The following FAAH2 variants were observed in gnomAD, a reference collection of about 807,000 sequenced individuals.
FAAH2 encodes fatty-acid amide hydrolase 2.
Under a neutral mutation model 36.9 loss-of-function variants are expected in FAAH2, and 60 were observed. The observed-to-expected ratio is 1.63, with a 90% CI of 1.32 to 2.02. The LOEUF (loss-of-function observed/expected upper bound fraction) is 2.02. Among genes scored for constraint, FAAH2 ranks in the 30% most tolerant of loss-of-function variants. The pLI is 0.00. For synonymous variants in FAAH2, 214 were observed against 143.8 expected, an observed-to-expected ratio of 1.49 and a Z score of -3.49; for missense variants, 689 against 397.5, an observed-to-expected ratio of 1.73 and a Z score of -6.23.
the FAAH2 span, chrX:57,135,482 C>T: frequency 1.2e-5 from 3 of 258,774 alleles, no homozygotes; most frequent in Non-Finnish European, 1.3e-5. Flanking sequence ...CTTCCCCTGC[C>T]CCCTCCAGAC....
intron 3 of FAAH2, among the ~76,000 whole-genome samples, chrX:57,320,596 T>C (rs2052992634): frequency 8.9e-6 from 1 of 112,619 alleles, no homozygotes; most frequent in Non-Finnish European, 1.9e-5. Context: ...TCAATCATTG[T>C]TGAAGACAAT....
the FAAH2 span, among the ~76,000 whole-genome samples, chrX:57,159,242 G>A: frequency 6.3e-5 from 7 of 111,735 alleles, no homozygotes; most frequent in Non-Finnish European, 1.1e-4. Flanking sequence ...GGTTACTGTA[G>A]CCTTGTAGTA....
the FAAH2 span, among the ~76,000 whole-genome samples, chrX:57,175,524 C>T: frequency 8.9e-6 from 1 of 111,737 alleles, no homozygotes; most frequent in African/African-American, 3.2e-5. Flanking sequence ...ATCTATTTTG[C>T]CAACCTGTAT....
chrX:57,238,147 G>C, the FAAH2 span, among the ~76,000 whole-genome samples: 1 of 111,682 alleles, frequency 9.0e-6, no homozygotes, highest in Non-Finnish European at 1.9e-5. Context: ...CCATGACTGG[G>C]TATATATTCA....
chrX:57,147,632 C>A, the FAAH2 span, among the ~76,000 whole-genome samples: 1 of 111,486 alleles, frequency 9.0e-6, no homozygotes, highest in Non-Finnish European at 1.9e-5. Context: ...TTCTCTAGTT[C>A]CTTGAGGTGT....
chrX:57,153,045 C>T, the FAAH2 span, among the ~76,000 whole-genome samples: 2 of 111,535 alleles, frequency 1.8e-5, no homozygotes, highest in South Asian at 7.6e-4. Context: ...TGTGGAAGAT[C>T]CAGTGTTAGG....
chrX:57,305,346 A>G (rs1317603444), intron 2 of FAAH2, among the ~76,000 whole-genome samples: 1 of 106,640 alleles, frequency 9.4e-6, no homozygotes, highest in Admixed American at 9.8e-5. Context: ...TAAGCCAGAA[A>G]AACTGGAAAA....
chrX:57,304,956 T>C (rs1158600061), intron 2 of FAAH2, among the ~76,000 whole-genome samples: 1 of 111,890 alleles, frequency 8.9e-6, no homozygotes, highest in African/African-American at 3.2e-5. Context: ...GTTCTTGAAG[T>C]CATTGCTACC....
chrX:57,342,025 A>G (rs1320853557), intron 5 of FAAH2, among the ~76,000 whole-genome samples: 4 of 112,118 alleles, frequency 3.6e-5, no homozygotes, highest in African/African-American at 1.3e-4. Flanking sequence ...TAAAGGTAAT[A>G]TAAGGTAGTC....
At chrX:57,392,726 C>T in intron 7 of FAAH2, 1 of 611,591 alleles carries the variant, frequency 1.6e-6, no homozygotes, top group Non-Finnish European at 2.8e-6. Flanking sequence ...CCATTGTGCT[C>T]ATCGTTCCTA....
At chrX:57,341,656 A>G (rs2053691463) in intron 5 of FAAH2, among the ~76,000 whole-genome samples, 1 of 109,835 alleles carries the variant, frequency 9.1e-6, no homozygotes. Flanking sequence ...TTTACAAATG[A>G]CAAATTCAAA....
chrX:57,430,942 A>G (rs966126998), intron 7 of FAAH2, among the ~76,000 whole-genome samples: 5 of 111,671 alleles, frequency 4.5e-5, no homozygotes, highest in Non-Finnish European at 3.8e-5. Flanking sequence ...AAGAATTTGG[A>G]TTCTTTCCTC....
the FAAH2 span, among the ~76,000 whole-genome samples, chrX:57,171,504 T>A: frequency 8.9e-6 from 1 of 111,889 alleles, no homozygotes; most frequent in East Asian, 2.8e-4. Context: ...ATTTCCCTGA[T>A]GATTAGTGAT....
the FAAH2 span, among the ~76,000 whole-genome samples, chrX:57,250,803 A>G: frequency 9.0e-6 from 1 of 111,128 alleles, no homozygotes; most frequent in Non-Finnish European, 1.9e-5. Flanking sequence ...AAAAAGACTG[A>G]ATCATGAAGA....
intron 5 of FAAH2, among the ~76,000 whole-genome samples, chrX:57,368,992 A>C (rs1450117910): frequency 9.1e-6 from 1 of 109,573 alleles, no homozygotes; most frequent in African/African-American, 3.3e-5. Flanking sequence ...AACAATTCAT[A>C]GTATGAATGA....
chrX:57,291,156 G>A (rs1404035123), intron 1 of FAAH2, among the ~76,000 whole-genome samples: 3 of 111,479 alleles, frequency 2.7e-5, no homozygotes, highest in Non-Finnish European at 1.9e-5. Flanking sequence ...TAAATTCTTG[G>A]ATATATCCTC....
In FAAH2 at chrX:57,437,726, T is replaced by TA. The variant is rs1441838558; in HGVS notation, c.1116+5689_1116+5690insA. On this transcript the variant is annotated intron_variant, in intron 8 of 10. Coordinates refer to ENST00000374900, the MANE Select transcript of FAAH2 (RefSeq NM_174912.4). ...TATAAATATATAACATATTTATATA[T>TA]TATATATTATATATATTATTTATAT... Among the ~76,000 whole-genome samples, 5 of 53,466 alleles carry TA rather than the reference T, an allele frequency of 9.4e-5. 1 individual carries two copies. Among genetic ancestry groups the TA allele is most frequent in the African/African-American group, 9.0e-5 (1 of 11,063 alleles). 46.4% of individuals were successfully genotyped at this position (53,466 alleles called of 115,157 possible). A position where few individuals can be genotyped will look rare whatever the true frequency, so the allele number is the denominator to read the frequency against.
intron 7 of FAAH2, among the ~76,000 whole-genome samples, chrX:57,387,492 C>A (rs1038574638): frequency 1.6e-4 from 18 of 111,093 alleles, no homozygotes; most frequent in African/African-American, 5.6e-4. Context: ...ACAGAGAAGA[C>A]AAACAGAAAA....
At chrX:57,233,172 C>T in the FAAH2 span, among the ~76,000 whole-genome samples, 1 of 111,520 alleles carries the variant, frequency 9.0e-6, no homozygotes, top group Non-Finnish European at 1.9e-5. Context: ...TCTGTTATGA[C>T]TAGTAGAGAT....
Sources: gnomAD v4.1 joint callset for allele counts (sites outside exome capture counted in the v4.1 genomes callset) on GRCh38, gnomAD v4.1.1 for gene constraint, MANE v1.5 for transcripts, NCBI Gene and HGNC (gene_info 2026-07-23, HGNC 2026-07-21) for gene names.